The following SCAPER variants were observed in gnomAD, a reference collection of about 807,000 sequenced individuals.
SCAPER encodes S phase cyclin A-associated protein in the endoplasmic reticulum.
Under a neutral mutation model 182.2 loss-of-function variants are expected in SCAPER, and 98 were observed. The ratio of observed to expected loss-of-function variants is 0.54; its 90% confidence interval spans 0.46 to 0.64. The LOEUF is 0.64. Among genes scored for constraint, SCAPER ranks in the 30% least tolerant of loss-of-function variants. SCAPER has a pLI of 0.00. For missense variants in SCAPER, 1,432 were observed against 1,690.0 expected (o/e 0.85, Z 2.68); for synonymous variants, 605 against 564.6 (o/e 1.07, Z -1.01).
chr15:76,701,728 C>T (rs748686819), intron 20 of SCAPER, 30 bp downstream of exon 20: 2 of 1,553,336 alleles, frequency 1.3e-6, no homozygotes, highest in South Asian at 1.1e-5. Context: ...ACTCAATAAA[C>T]AATTGTAAAT....
rs565887581 is a variant in SCAPER at position 76,718,647 on chromosome 15, G to GAA, written c.2165+9946_2165+9947dup. ...GAGAACAAGATTCTGTCTCAAAAAG[G>GAA]AAAAAAAAAACAAAAACAAAAAACA... On this transcript the variant is annotated intron_variant, in intron 17 of 31. Coordinates refer to ENST00000563290, the MANE Select transcript of SCAPER (RefSeq NM_020843.4). Among the ~76,000 whole-genome samples the GAA allele has an allele frequency of 7.6e-5, 10 of 131,016 alleles. No individual in the cohort carries two copies. The South Asian group carries it at 1.7e-3, about 22-fold the overall frequency. 86.0% of individuals were successfully genotyped at this position (131,016 alleles called of 152,430 possible).
intron 20 of SCAPER, among the ~76,000 whole-genome samples, chr15:76,699,558 T>C (rs2058822097): frequency 6.6e-6 from 1 of 152,228 alleles, no homozygotes; most frequent in South Asian, 2.1e-4. Flanking sequence ...AGGGTTTGAC[T>C]GCAGTATACA....
chr15:76,373,711 G>A (rs531119802), intron 29 of SCAPER, among the ~76,000 whole-genome samples: 322 of 152,302 alleles, frequency 2.1e-3, no homozygotes, highest in Middle Eastern at 6.8e-3. Flanking sequence ...TTAGCCATGG[G>A]AATCTTTCTA....
chr15:76,674,260 C>T (rs1042966850), intron 20 of SCAPER, among the ~76,000 whole-genome samples: 1 of 152,014 alleles, frequency 6.6e-6, no homozygotes, highest in Admixed American at 6.6e-5. Context: ...AAATAAAAAA[C>T]AATCAAACAT....
At chr15:76,677,667 G>T (rs571368682) in intron 20 of SCAPER, among the ~76,000 whole-genome samples, 4 of 150,108 alleles carry the variant, frequency 2.7e-5, no homozygotes, top group Non-Finnish European at 5.9e-5. Flanking sequence ...AAACTAATAC[G>T]TATGCAGACA....
At chr15:76,758,070 A>G (rs1259599537) in intron 14 of SCAPER, among the ~76,000 whole-genome samples, 1 of 151,584 alleles carries the variant, frequency 6.6e-6, no homozygotes, top group Non-Finnish European at 1.5e-5. Context: ...TAATTTTTTC[A>G]TTTGCTCTAT....
At chr15:76,771,675 G>C in intron 10 of SCAPER, 67 bp downstream of exon 10, 1 of 1,068,394 alleles carries the variant, frequency 9.4e-7, no homozygotes, top group Middle Eastern at 2.1e-4. Context: ...ATTATTATTG[G>C]GGTTTATGCT....
chr15:76,648,925 A>G (rs929022542), intron 21 of SCAPER, among the ~76,000 whole-genome samples: 12 of 152,200 alleles, frequency 7.9e-5, no homozygotes, highest in African/African-American at 2.9e-4. Context: ...CTATCTGCAT[A>G]ATAAAAGATT....
At chr15:76,847,123 T>C (rs1350579302) in intron 4 of SCAPER, among the ~76,000 whole-genome samples, 1 of 152,172 alleles carries the variant, frequency 6.6e-6, no homozygotes, top group African/African-American at 2.4e-5. Context: ...TGGTCTCACT[T>C]ATTTGTGGTA....
intron 5 of SCAPER, among the ~76,000 whole-genome samples, chr15:76,831,837 C>T (rs1361641940): frequency 6.6e-6 from 1 of 152,060 alleles, no homozygotes; most frequent in African/African-American, 2.4e-5. Flanking sequence ...CTAGTTCCAG[C>T]CCCCCAGGGT....
chr15:76,680,837 A>G (rs1242504822), intron 20 of SCAPER, among the ~76,000 whole-genome samples: 2 of 152,186 alleles, frequency 1.3e-5, no homozygotes, highest in Non-Finnish European at 1.5e-5. Context: ...ACTGTCAGCT[A>G]AAGAGATGTC....
chr15:76,612,730 C>T (rs2051114134), intron 22 of SCAPER, among the ~76,000 whole-genome samples: 1 of 152,138 alleles, frequency 6.6e-6, no homozygotes, highest in South Asian at 2.1e-4. Context: ...TAAAATATCT[C>T]TACAAGGAGA....
rs200987594 is a variant in SCAPER, at chr15:76,494,659, A to AAGG, written c.2954+10199_2954+10200insCCT. 1.7e-3 allele frequency among the ~76,000 whole-genome samples: 253 copies of AAGG among 152,308 alleles called. No individual in the cohort carries two copies. The East Asian group carries it at 0.018, about 11-fold the overall frequency. Reference sequence around the variant, plus strand: ...GTAAGAGATCCAACCAAGAACGCTCATTGACGCAACCTTCGAACCAAATAG... The same window carrying AAGG: ...GTAAGAGATCCAACCAAGAACGCTCAAGGTTGACGCAACCTTCGAACCAAATAG... On this transcript the variant is annotated intron_variant, in intron 24 of 31. Coordinates refer to ENST00000563290, the MANE Select transcript of SCAPER (RefSeq NM_020843.4).
In SCAPER at chr15:76,574,191, G is replaced by T. The variant is rs772396653; in HGVS notation, c.2805C>A (p.Thr935=). 2 of 1,609,286 alleles carry T rather than the reference G, an allele frequency of 1.2e-6. No individual in the cohort carries two copies. Among genetic ancestry groups the T allele is most frequent in the South Asian group, 2.2e-5 (2 of 90,390 alleles). The change falls in exon 23 of 32, where the codon ACC becomes ACA. Residue 935 remains threonine, a synonymous_variant. Transcript: ENST00000563290. ...ANNKVSALDR[T]LGEITRILEK... ...CCAGTATTCTAGTGATCTCTCCTAG[G>T]GTCCGATCCAAAGCAGACACTTTAT... is the stretch of plus-strand genomic sequence containing the variant.
Position 76,689,948 on chromosome 15 carries a change from A to C in SCAPER, c.2508+11810T>G, listed in dbSNP as rs571234206. Among the ~76,000 whole-genome samples the C allele has an allele frequency of 6.0e-4, 45 of 75,276 alleles. 1 individual carries two copies. The South Asian group carries it at 0.028, about 46-fold the overall frequency. 49.4% of individuals were successfully genotyped at this position (75,276 alleles called of 152,430 possible). A position where few individuals can be genotyped will look rare whatever the true frequency, so the allele number is the denominator to read the frequency against. Reference sequence around the variant, plus strand: ...AGTAAAAAAAAAAAAAGTCCATCTGATATAAAAAATGAATAAATAAATATG... The same window carrying C: ...AGTAAAAAAAAAAAAAGTCCATCTGCTATAAAAAATGAATAAATAAATATG... On this transcript the variant is annotated intron_variant, in intron 20 of 31. Coordinates refer to ENST00000563290, the MANE Select transcript of SCAPER (RefSeq NM_020843.4).
At position 76,603,651 on chromosome 15, in the gene SCAPER, T is replaced by C. The variant is rs1025913162; in HGVS notation, c.2711+18113A>G. Among the ~76,000 whole-genome samples the C allele has an allele frequency of 2.5e-5, 3 of 121,552 alleles. 1 individual carries two copies. The highest frequency in any genetic ancestry group is 7.5e-5 in the African/African-American group (3 of 39,738). The allele number at this position is 121,552 out of a possible 152,430, so 79.7% of individuals were successfully genotyped here. On this transcript the variant is annotated intron_variant, in intron 22 of 31. Transcript: ENST00000563290. ...AACTAGTTTGCAGTCCCACTCACAG[T>C]GTAAAAGTGTTCCTATTTCTCCACA...
At chr15:76,776,273 C>G (rs983088715) in intron 8 of SCAPER, among the ~76,000 whole-genome samples, 2 of 152,128 alleles carry the variant, frequency 1.3e-5, no homozygotes, top group African/African-American at 4.8e-5. Context: ...GGTGGCCTAA[C>G]AAAACAGAAA....
chr15:76,611,924 G>A (rs1232896628), intron 22 of SCAPER, among the ~76,000 whole-genome samples: 2 of 152,028 alleles, frequency 1.3e-5, no homozygotes, highest in African/African-American at 4.8e-5. Context: ...CAATAAACTA[G>A]GTATTGGAGG....
chr15:76,570,420 C>T (rs769878749), intron 23 of SCAPER, among the ~76,000 whole-genome samples: 1 of 152,024 alleles, frequency 6.6e-6, no homozygotes, highest in Non-Finnish European at 1.5e-5. Flanking sequence ...TCCCAAAATG[C>T]CAAATTTCTG....
Sources: gnomAD v4.1 joint callset for allele counts (sites outside exome capture counted in the v4.1 genomes callset) on GRCh38, gnomAD v4.1.1 for gene constraint, MANE v1.5 for transcripts, NCBI Gene and HGNC (gene_info 2026-07-23, HGNC 2026-07-21) for gene names.